The following MAGI2 variants were observed in gnomAD, a reference collection of about 807,000 sequenced individuals.
MAGI2 encodes membrane-associated guanylate kinase, WW and PDZ domain-containing protein 2.
A neutral mutation model predicts 133.3 loss-of-function variants in MAGI2; 35 were observed. That is an observed-to-expected ratio of 0.26 (90% CI 0.20 to 0.35). The LOEUF (loss-of-function observed/expected upper bound fraction) is 0.35. MAGI2 is among the 10% of genes least tolerant of loss of function. MAGI2 has a pLI of 1.00. For synonymous variants in MAGI2, 729 were observed against 710.6 expected (o/e 1.03, Z -0.41); for missense variants, 1,636 against 1,863.4 (o/e 0.88, Z 2.25).
chr7:78,714,226 C>G (rs1390753010), intron 2 of MAGI2, among the ~76,000 whole-genome samples: 1 of 152,140 alleles, frequency 6.6e-6, no homozygotes, highest in Non-Finnish European at 1.5e-5. Context: ...TCAGATGGAT[C>G]AGTGTCCTTA....
At chr7:78,183,553 C>T (rs780281469) in intron 13 of MAGI2, among the ~76,000 whole-genome samples, 6 of 151,892 alleles carry the variant, frequency 4.0e-5, no homozygotes, top group South Asian at 2.1e-4. Context: ...CATGCACCAC[C>T]GCAATCGGCC....
intron 21 of MAGI2, among the ~76,000 whole-genome samples, chr7:78,023,126 A>G (rs1346393368): frequency 6.6e-6 from 1 of 152,182 alleles, no homozygotes; most frequent in Admixed American, 6.5e-5. Flanking sequence ...ACGAGCCTGC[A>G]AAGCTCTGTA....
At chr7:78,575,031 A>G (rs1408553316) in intron 3 of MAGI2, among the ~76,000 whole-genome samples, 1 of 152,236 alleles carries the variant, frequency 6.6e-6, no homozygotes, top group Non-Finnish European at 1.5e-5. Context: ...CTACACCCGC[A>G]GTTTCTAATG....
chr7:78,842,668 A>G (rs1792245442), intron 2 of MAGI2, among the ~76,000 whole-genome samples: 1 of 151,876 alleles, frequency 6.6e-6, no homozygotes, highest in African/African-American at 2.4e-5. Context: ...AATTAGATTT[A>G]TGTGATCACT....
chr7:78,834,210 G>A (rs1791424261), intron 2 of MAGI2, among the ~76,000 whole-genome samples: 2 of 152,104 alleles, frequency 1.3e-5, no homozygotes, highest in South Asian at 4.1e-4. Context: ...TGTATTTCAT[G>A]TACTGCAAAA....
chr7:78,444,576 A>G (rs1016318751), intron 6 of MAGI2, among the ~76,000 whole-genome samples: 3 of 152,044 alleles, frequency 2.0e-5, no homozygotes, highest in African/African-American at 2.4e-5. Flanking sequence ...CAAAAAACTG[A>G]TTAGTATTAT....
At chr7:79,282,691 G>C (rs540856586) in intron 1 of MAGI2, among the ~76,000 whole-genome samples, 168 of 152,144 alleles carry the variant, frequency 1.1e-3, no homozygotes, top group Non-Finnish European at 1.9e-3. Flanking sequence ...GAAACGTTGG[G>C]CAAGGTGGCT....
chr7:78,446,134 T>G (rs10259934), intron 6 of MAGI2, among the ~76,000 whole-genome samples: 143,934 of 151,190 alleles, frequency 0.95, 68,614 homozygotes, highest in East Asian at 0.98. Flanking sequence ...ATTTTTTGAA[T>G]TTGAAATACT....
intron 2 of MAGI2, among the ~76,000 whole-genome samples, chr7:78,686,688 G>C (rs905226582): frequency 6.6e-6 from 1 of 152,116 alleles, no homozygotes; most frequent in Non-Finnish European, 1.5e-5. Context: ...ATATTGTCGA[G>C]CTGAGTGCAT....
chr7:78,840,224 T>C (rs1792010967), intron 2 of MAGI2, among the ~76,000 whole-genome samples: 1 of 152,086 alleles, frequency 6.6e-6, no homozygotes, highest in African/African-American at 2.4e-5. Context: ...AGCATTCTGA[T>C]AGAACTAAAT....
chr7:78,072,645 A>G (rs559435991), intron 21 of MAGI2: 240 of 345,792 alleles, frequency 6.9e-4, no homozygotes, highest in African/African-American at 4.6e-3. Context: ...ATAGCAAAAA[A>G]GATTATAATG....
At chr7:79,163,271 G>A (rs1824566561) in intron 1 of MAGI2, among the ~76,000 whole-genome samples, 1 of 152,054 alleles carries the variant, frequency 6.6e-6, no homozygotes, top group Admixed American at 6.6e-5. Context: ...TGCCTCCCAG[G>A]TTCAAGTGAT....
intron 2 of MAGI2, among the ~76,000 whole-genome samples, chr7:78,801,866 T>C (rs1441604431): frequency 6.6e-6 from 1 of 152,216 alleles, no homozygotes; most frequent in African/African-American, 2.4e-5. Context: ...TTATCTATTG[T>C]TACCATTAAA....
chr7:78,518,341 G>C (rs1262523944), intron 4 of MAGI2: 1 of 152,098 alleles, frequency 6.6e-6, no homozygotes, highest in East Asian at 1.9e-4. Context: ...ACTCAGGATA[G>C]CATGGCAGCC....
chr7:79,101,519 T>C (rs1001099511), intron 1 of MAGI2, among the ~76,000 whole-genome samples: 38 of 151,902 alleles, frequency 2.5e-4, no homozygotes, highest in African/African-American at 6.0e-4. Context: ...GGTCAGGAGA[T>C]CGAGACCATT....
At chr7:78,166,311 T>C (rs1825618476) in intron 15 of MAGI2, among the ~76,000 whole-genome samples, 1 of 152,224 alleles carries the variant, frequency 6.6e-6, no homozygotes, top group South Asian at 2.1e-4. Context: ...CAGGTATCTT[T>C]TTAATTTATC....
chr7:78,906,645 A>G (rs1403328838), intron 2 of MAGI2, among the ~76,000 whole-genome samples: 1 of 152,104 alleles, frequency 6.6e-6, no homozygotes, highest in Non-Finnish European at 1.5e-5. Context: ...CATTCTCCAA[A>G]TTTGATAATT....
chr7:78,026,950 G>A lies in MAGI2; in HGVS notation c.3707-6974C>T, dbSNP rs1808981015. Among the ~76,000 whole-genome samples, 8 of 152,156 alleles carry A rather than the reference G, an allele frequency of 5.3e-5. No homozygotes were observed. The South Asian group carries it at 1.7e-3, about 32-fold the overall frequency. ...ACTTACTAGATGCCAGGCACTCTTT[G>A]AAGGCCCTGAAATGTATTAACTCAT... On this transcript the variant is annotated intron_variant, in intron 21 of 21. Coordinates refer to ENST00000354212, the MANE Select transcript of MAGI2 (RefSeq NM_012301.4).
chr7:78,270,605 T>C (rs996415335), intron 9 of MAGI2, among the ~76,000 whole-genome samples: 16 of 152,334 alleles, frequency 1.1e-4, no homozygotes, highest in Middle Eastern at 3.4e-3. Context: ...TTTTTGCACA[T>C]TGATTTTGTA....
Sources: gnomAD v4.1 joint callset for allele counts (sites outside exome capture counted in the v4.1 genomes callset) on GRCh38, gnomAD v4.1.1 for gene constraint, MANE v1.5 for transcripts, NCBI Gene and HGNC (gene_info 2026-07-23, HGNC 2026-07-21) for gene names.